SPTLC2: variants seen among roughly 807,000 people sequenced by gnomAD.
SPTLC2 encodes serine palmitoyltransferase 2.
In SPTLC2, 21 loss-of-function variants were observed where a neutral mutation model predicts 62.0. That is an observed-to-expected ratio of 0.34 (90% confidence interval 0.24 to 0.49). The LOEUF is 0.49. Ranked by LOEUF, SPTLC2 falls within the 20% of genes least tolerant of loss-of-function variation. The probability of loss-of-function intolerance (pLI) is 0.99; values close to 1 mark genes in which losing one functional copy is unlikely to be tolerated. For synonymous variants in SPTLC2, 261 were observed against 261.8 expected (o/e 1.00, Z 0.03); for missense variants, 511 against 713.0 (o/e 0.72, Z 3.23).
intron 6 of SPTLC2, among the ~76,000 whole-genome samples, chr14:77,560,495 G>A (rs2079608495): frequency 6.6e-6 from 1 of 152,064 alleles, no homozygotes; most frequent in Non-Finnish European, 1.5e-5. Flanking sequence ...CACATCTGTA[G>A]TCCCAGCTAC....
At chr14:77,535,972 G>A (rs1163069362) in intron 9 of SPTLC2, 2 of 455,392 alleles carry the variant, frequency 4.4e-6, no homozygotes, top group Middle Eastern at 3.3e-4. Flanking sequence ...GGTATTTCTT[G>A]TTTGGACAAC....
At chr14:77,570,756 C>A (rs1003867224) in intron 4 of SPTLC2, among the ~76,000 whole-genome samples, 1 of 152,120 alleles carries the variant, frequency 6.6e-6, no homozygotes, top group Non-Finnish European at 1.5e-5. Flanking sequence ...AAGGGGGCTG[C>A]GAAAAATTTC....
At chr14:77,576,706 A>G in intron 4 of SPTLC2, 61 bp downstream of exon 4, 4 of 1,609,432 alleles carry the variant, frequency 2.5e-6, no homozygotes, top group Non-Finnish European at 3.4e-6. Flanking sequence ...TATTACTATT[A>G]TTTGCCCCTG....
chr14:77,571,483 T>C (rs1343892606), intron 4 of SPTLC2, among the ~76,000 whole-genome samples: 1 of 138,126 alleles, frequency 7.2e-6, no homozygotes, highest in African/African-American at 2.8e-5. Context: ...CACTCCAGCC[T>C]AGGCAACAGA....
intron 9 of SPTLC2, chr14:77,547,858 C>T (rs915425109): frequency 2.0e-5 from 3 of 147,420 alleles, no homozygotes; most frequent in African/African-American, 7.6e-5. Flanking sequence ...TGTGCCACTG[C>T]ATTGTCCTGG....
chr14:77,612,131 T>C (rs1304561711), intron 1 of SPTLC2, among the ~76,000 whole-genome samples: 1 of 152,200 alleles, frequency 6.6e-6, no homozygotes, highest in African/African-American at 2.4e-5. Context: ...TTTAATCAAG[T>C]ATGGCACACC....
intron 9 of SPTLC2, among the ~76,000 whole-genome samples, chr14:77,538,940 T>C (rs541426593): frequency 6.6e-6 from 1 of 152,026 alleles, no homozygotes; most frequent in East Asian, 1.9e-4. Flanking sequence ...AGTAGCTGTA[T>C]GGCTACAGCC....
intron 9 of SPTLC2, among the ~76,000 whole-genome samples, chr14:77,527,639 C>T (rs2079415629): frequency 6.6e-6 from 1 of 152,106 alleles, no homozygotes; most frequent in Non-Finnish European, 1.5e-5. Flanking sequence ...TTAGAAGGAA[C>T]TACTATATTA....
At chr14:77,608,946 T>TAAC (rs2079920345) in intron 1 of SPTLC2, among the ~76,000 whole-genome samples, 1 of 147,426 alleles carries the variant, frequency 6.8e-6, no homozygotes, top group Admixed American at 6.8e-5. Context: ...ATAATAATAA[T>TAAC]AATAATAATA....
intron 1 of SPTLC2, among the ~76,000 whole-genome samples, chr14:77,615,877 G>A (rs1303524573): frequency 6.6e-6 from 1 of 152,148 alleles, no homozygotes; most frequent in Admixed American, 6.5e-5. Context: ...TGCTTTCGAG[G>A]GACCAGCTTG....
chr14:77,594,730 C>A (rs1262026302), intron 2 of SPTLC2, among the ~76,000 whole-genome samples: 1 of 152,232 alleles, frequency 6.6e-6, no homozygotes, highest in Non-Finnish European at 1.5e-5. Context: ...CTATACTATC[C>A]CCTCATCCAG....
chr14:77,545,548 C>T (rs144787058), intron 9 of SPTLC2, among the ~76,000 whole-genome samples: 2 of 152,184 alleles, frequency 1.3e-5, no homozygotes, highest in Non-Finnish European at 2.9e-5. Flanking sequence ...GGATTACAGG[C>T]GTGAGCCATC....
intron 9 of SPTLC2, among the ~76,000 whole-genome samples, chr14:77,525,464 C>T (rs1478878177): frequency 2.0e-5 from 3 of 151,718 alleles, no homozygotes; most frequent in Non-Finnish European, 4.4e-5. Flanking sequence ...GTGGTGCATG[C>T]CTGTAATCCC....
At chr14:77,522,362 C>T (rs111692783) in intron 9 of SPTLC2, among the ~76,000 whole-genome samples, 2 of 152,234 alleles carry the variant, frequency 1.3e-5, no homozygotes, top group African/African-American at 4.8e-5. Context: ...AGGGTTTCGC[C>T]ATGTTGGCCA....
In SPTLC2 at chr14:77,525,236, G is replaced by C. The variant is rs138569337; in HGVS notation, c.1304-3655C>G. 4.7e-4 allele frequency among the ~76,000 whole-genome samples: 71 copies of C among 152,212 alleles called. No homozygotes were observed. In the East Asian group the frequency reaches 0.013, roughly 28 times the overall value. ...GGAGTTTGGGGCTGTAGTGAGCTAT[G>C]ACTGCACCTGTAAACAGCCACTGCA... On this transcript the variant is annotated intron_variant, in intron 9 of 11. Transcript: ENST00000216484.
intron 8 of SPTLC2, among the ~76,000 whole-genome samples, chr14:77,553,729 CAAA>C (rs34500527): frequency 1.0e-3 from 101 of 96,560 alleles, no homozygotes; most frequent in African/African-American, 3.8e-3. Flanking sequence ...GGCTTGGTCT[CAAA>C]AAAAAAAAAA....
intron 1 of SPTLC2, among the ~76,000 whole-genome samples, chr14:77,598,119 T>C (rs576921098): frequency 8.6e-5 from 7 of 81,106 alleles, no homozygotes; most frequent in Non-Finnish European, 1.7e-4. Context: ...CGAAACCCCA[T>C]CTCAAAAAAA....
At chr14:77,596,202 G>A (rs936283481) in intron 2 of SPTLC2, among the ~76,000 whole-genome samples, 7 of 152,136 alleles carry the variant, frequency 4.6e-5, no homozygotes, top group African/African-American at 1.7e-4. Flanking sequence ...AGCCGGGCAC[G>A]GTGGCAGGCA....
chr14:77,518,712 C>T (rs1474514825), intron 10 of SPTLC2, among the ~76,000 whole-genome samples: 1 of 152,114 alleles, frequency 6.6e-6, no homozygotes, highest in Non-Finnish European at 1.5e-5. Context: ...TAACATTAAT[C>T]CGCAAATTCT....
Sources: allele counts gnomAD v4.1 joint callset (sites outside exome capture counted in the v4.1 genomes callset), GRCh38; gene constraint gnomAD v4.1.1; transcripts MANE v1.5; gene names NCBI Gene and HGNC (gene_info 2026-07-23, HGNC 2026-07-21).